The following TNNI3K variants were observed in gnomAD, a reference collection of about 807,000 sequenced individuals.
TNNI3K encodes the protein serine/threonine-protein kinase TNNI3K.
A neutral mutation model predicts 114.5 loss-of-function variants in TNNI3K; 140 were observed. The ratio of observed to expected loss-of-function variants is 1.22; its 90% CI spans 1.07 to 1.41. The LOEUF (loss-of-function observed/expected upper bound fraction) is 1.41, where lower values mean the gene tolerates loss of function less well. Ranked by LOEUF, TNNI3K falls within the 40% of genes most tolerant of loss-of-function variation. The pLI, the probability that TNNI3K is intolerant of heterozygous loss-of-function variation, is 0.00. For missense variants in TNNI3K, 1,125 were observed against 1,007.6 expected, an observed-to-expected ratio of 1.12 and a Z score of -1.58; for synonymous variants, 347 against 347.5, an observed-to-expected ratio of 1.00 and a Z score of 0.02.
intron 4 of TNNI3K, among the ~76,000 whole-genome samples, chr1:74,268,551 G>A (rs769393749): frequency 2.0e-5 from 3 of 148,896 alleles, no homozygotes; most frequent in Non-Finnish European, 3.0e-5. Context: ...TAAAGGGAAA[G>A]GAGAAAGAGA....
At chr1:74,385,233 G>T (rs544302118) in intron 17 of TNNI3K, among the ~76,000 whole-genome samples, 1 of 152,254 alleles carries the variant, frequency 6.6e-6, no homozygotes, top group Admixed American at 6.5e-5. Context: ...TAGGGCTGAG[G>T]TATAAGAAAG....
At chr1:74,306,037 C>T (rs971697211) in intron 5 of TNNI3K, among the ~76,000 whole-genome samples, 1 of 152,144 alleles carries the variant, frequency 6.6e-6, no homozygotes, top group Non-Finnish European at 1.5e-5. Context: ...TTGGAAACCT[C>T]AGTGTCTATT....
chr1:74,340,895 C>T (rs892438008), intron 7 of TNNI3K, among the ~76,000 whole-genome samples: 7 of 152,032 alleles, frequency 4.6e-5, no homozygotes, highest in East Asian at 1.9e-4. Flanking sequence ...GAATGAAAGG[C>T]GTCTTTTTGA....
intron 5 of TNNI3K, among the ~76,000 whole-genome samples, chr1:74,330,306 T>C (rs1660129996): frequency 6.6e-6 from 1 of 152,216 alleles, no homozygotes; most frequent in South Asian, 2.1e-4. Context: ...CCTTTCTGTC[T>C]TCTCTACCAG....
chr1:74,242,907 C>A (rs956825239), intron 2 of TNNI3K, among the ~76,000 whole-genome samples: 20 of 151,858 alleles, frequency 1.3e-4, no homozygotes, highest in African/African-American at 4.6e-4. Flanking sequence ...ATCTGTAGCT[C>A]GCTATCTTTC....
At chr1:74,381,225 A>G (rs1341301488) in intron 17 of TNNI3K, among the ~76,000 whole-genome samples, 3 of 152,144 alleles carry the variant, frequency 2.0e-5, no homozygotes, top group African/African-American at 7.2e-5. Context: ...AATTGACGGC[A>G]TGGGCTCTGA....
intron 17 of TNNI3K, among the ~76,000 whole-genome samples, chr1:74,395,745 G>GAA (rs1488417939): frequency 6.6e-6 from 1 of 152,174 alleles, no homozygotes; most frequent in Non-Finnish European, 1.5e-5. Flanking sequence ...AGTACACAGG[G>GAA]AAAAGCTCAG....
intron 6 of TNNI3K, among the ~76,000 whole-genome samples, chr1:74,332,387 G>T (rs369711832): frequency 6.6e-6 from 1 of 150,660 alleles, no homozygotes; most frequent in Non-Finnish European, 1.5e-5. Flanking sequence ...TGCAAGCTCC[G>T]CCTCCTGGGT....
Position 74,249,470 on chromosome 1 carries a change from C to G in TNNI3K, c.161C>G (p.Ala54Gly), listed in dbSNP as rs755695283. ...CATGTTTTTTTCAGCTCTGATGAAG[C>G]CTTCAGTAAAGTCAATTTAAATTAC... is the stretch of plus-strand genomic sequence containing the variant. ...ELRNIFGSDE[A>G]FSKVNLNYRT... is the part of the protein sequence containing the mutation. The change falls in exon 3 of 25, where the codon GCC becomes GGC. Residue 54 changes from alanine to glycine, a missense_variant. By Grantham distance (60) the Ala-to-Gly change is moderately conservative (BLOSUM62 0). Coordinates refer to ENST00000326637, the MANE Select transcript of TNNI3K (RefSeq NM_015978.3). The G allele has an allele frequency of 1.2e-6, 2 of 1,612,574 alleles. No homozygotes were observed. The highest frequency in any genetic ancestry group is 2.2e-5 in the South Asian group (2 of 90,826).
chr1:74,494,761 T>A (rs907828661), intron 23 of TNNI3K, among the ~76,000 whole-genome samples: 2 of 152,222 alleles, frequency 1.3e-5, no homozygotes, highest in Non-Finnish European at 2.9e-5. Context: ...AAATCTCACA[T>A]GTAAAATACT....
At chr1:74,366,130 A>G (rs1662257331) in intron 11 of TNNI3K, among the ~76,000 whole-genome samples, 1 of 152,024 alleles carries the variant, frequency 6.6e-6, no homozygotes, top group Non-Finnish European at 1.5e-5. Flanking sequence ...CATAAGCTAG[A>G]TGTATGCTTA....
intron 21 of TNNI3K, chr1:74,472,230 C>T (rs1667971992): frequency 1.4e-6 from 1 of 714,522 alleles, no homozygotes; most frequent in Non-Finnish European, 2.6e-6. Context: ...AAGAATTTAG[C>T]ACTTAGCAGA....
At chr1:74,464,777 A>G (rs1305092767) in intron 21 of TNNI3K, 5 of 1,542,292 alleles carry the variant, frequency 3.2e-6, no homozygotes, top group South Asian at 1.2e-5. Context: ...GATGTGTTAC[A>G]TGTTTATTTG....
chr1:74,271,872 A>G (rs1305709537), intron 5 of TNNI3K, among the ~76,000 whole-genome samples, 164 bp downstream of exon 5: 2 of 151,942 alleles, frequency 1.3e-5, no homozygotes, highest in Non-Finnish European at 2.9e-5. Context: ...AGCTTTGGAT[A>G]GTCAATTCAG....
intron 17 of TNNI3K, among the ~76,000 whole-genome samples, chr1:74,383,733 A>G (rs1358997701): frequency 6.6e-6 from 1 of 152,126 alleles, no homozygotes; most frequent in Non-Finnish European, 1.5e-5. Flanking sequence ...TTGTCAGATG[A>G]ATGAATTAAT....
chr1:74,277,459 C>T (rs2100237825), intron 5 of TNNI3K, among the ~76,000 whole-genome samples: 1 of 152,174 alleles, frequency 6.6e-6, no homozygotes, highest in East Asian at 1.9e-4. Flanking sequence ...CTATATAAAG[C>T]CCAAGCATTA....
intron 23 of TNNI3K, among the ~76,000 whole-genome samples, chr1:74,517,128 C>T (rs565021685): frequency 6.6e-6 from 1 of 152,226 alleles, no homozygotes; most frequent in South Asian, 2.1e-4. Flanking sequence ...TTATGTATTA[C>T]ACAAATCATT....
chr1:74,243,721 G>T (rs80276141), intron 2 of TNNI3K, among the ~76,000 whole-genome samples: 2,428 of 152,204 alleles, frequency 0.016, 29 homozygotes, highest in Non-Finnish European at 0.022. Context: ...CTACAAGAAA[G>T]AAAGTAACCT....
chr1:74,526,467 T>G (rs1646505115), intron 23 of TNNI3K, among the ~76,000 whole-genome samples: 1 of 152,258 alleles, frequency 6.6e-6, no homozygotes, highest in Non-Finnish European at 1.5e-5. Flanking sequence ...AGTTCTACGG[T>G]TCTTATAACC....
Sources: gnomAD v4.1 joint callset for allele counts (sites outside exome capture counted in the v4.1 genomes callset) on GRCh38, gnomAD v4.1.1 for gene constraint, MANE v1.5 for transcripts, NCBI Gene and HGNC (gene_info 2026-07-23, HGNC 2026-07-21) for gene names.